The following DIPK2B variants were observed in gnomAD, a reference collection of about 807,000 sequenced individuals.
DIPK2B encodes the protein divergent protein kinase domain 2B.
Under a neutral mutation model 22.2 loss-of-function variants are expected in DIPK2B, and 15 were observed. The observed-to-expected ratio is 0.68, with a 90% confidence interval of 0.45 to 1.04. The LOEUF (loss-of-function observed/expected upper bound fraction) is 1.04. Ranked by LOEUF, DIPK2B falls within the 50% of genes least tolerant of loss-of-function variation. The pLI, the probability that DIPK2B is intolerant of heterozygous loss-of-function variation, is 0.00. For synonymous variants in DIPK2B, 163 were observed against 153.2 expected (o/e 1.06, Z -0.47); for missense variants, 345 against 348.3 (o/e 0.99, Z 0.08).
At chrX:45,155,431 A>AAAAT (rs1556395212) in intron 3 of DIPK2B, among the ~76,000 whole-genome samples, 2 of 96,391 alleles carry the variant, frequency 2.1e-5, no homozygotes, top group East Asian at 6.7e-4. Context: ...TCAAAAAAAA[A>AAAAT]ATATATATAT....
intron 1 of DIPK2B, among the ~76,000 whole-genome samples, chrX:45,197,848 C>T (rs971623491): frequency 1.8e-5 from 2 of 111,595 alleles, no homozygotes; most frequent in African/African-American, 6.5e-5. Flanking sequence ...ATAAGGAATT[C>T]GTCACTCATG....
chrX:45,192,032 C>A lies in DIPK2B; in HGVS notation c.234-17G>T. ...TTGTCAGATCTGTTGGAAGAATAGC[C>A]CTTTGAGGATTGGCCTGTGAGCTGG... On this transcript the variant is annotated splice_polypyrimidine_tract_variant and intron_variant, in intron 1 of 4. Coordinates refer to ENST00000398000, the MANE Select transcript of DIPK2B (RefSeq NM_176819.4). 4 of 1,195,309 alleles carry A rather than the reference C, an allele frequency of 3.3e-6. No homozygotes were observed. The highest frequency in any genetic ancestry group is 4.5e-6 in the Non-Finnish European group (4 of 887,288).
At chrX:45,171,441 G>T (rs1398908988) in intron 2 of DIPK2B, among the ~76,000 whole-genome samples, 1 of 111,302 alleles carries the variant, frequency 9.0e-6, no homozygotes, top group Admixed American at 9.5e-5. Flanking sequence ...TCTAGGGCAG[G>T]TGTGCCAATA....
chrX:45,186,534 T>C (rs1055751547), intron 2 of DIPK2B, among the ~76,000 whole-genome samples: 2 of 112,343 alleles, frequency 1.8e-5, no homozygotes, highest in African/African-American at 6.5e-5. Flanking sequence ...TGTGTGAAAA[T>C]AATACAGCCA....
chrX:45,172,531 C>T (rs2047088906), intron 2 of DIPK2B, among the ~76,000 whole-genome samples: 2 of 111,442 alleles, frequency 1.8e-5, no homozygotes, highest in South Asian at 7.7e-4. Flanking sequence ...ACTTTCCCTT[C>T]CTATTAAAGA....
At chrX:45,162,896 G>GT (rs2047029343) in intron 2 of DIPK2B, 1 of 752,020 alleles carries the variant, frequency 1.3e-6, no homozygotes, top group African/African-American at 2.3e-5. Context: ...TTGGTTCAGG[G>GT]TGATGCTGAG....
intron 1 of DIPK2B, among the ~76,000 whole-genome samples, chrX:45,199,891 C>T (rs1323679953): frequency 9.0e-6 from 1 of 111,206 alleles, no homozygotes; most frequent in Non-Finnish European, 1.9e-5. Context: ...CCATTCTTTG[C>T]TGAGAGCCAT....
At chrX:45,170,518 G>T (rs1019069759) in intron 2 of DIPK2B, among the ~76,000 whole-genome samples, 1 of 112,541 alleles carries the variant, frequency 8.9e-6, no homozygotes, top group African/African-American at 3.2e-5. Context: ...GTGTGAATTG[G>T]CTTCTTTTAG....
rs1051023473 is a variant in DIPK2B, at chrX:45,167,748, G to C, written c.499-9860C>G. 2.7e-5 allele frequency among the ~76,000 whole-genome samples: 3 copies of C among 110,592 alleles called. No individual in the cohort carries two copies. The Admixed American group carries it at 2.9e-4, about 11-fold the overall frequency. The stretch of plus-strand genomic sequence containing the variant: ...CACCCAGGCTGGAGTGCAGTGGTGT[G>C]ATCCCAGTTCACTGCAACCTCCGCC... On this transcript the variant is annotated intron_variant, in intron 2 of 4. Coordinates refer to ENST00000398000, the MANE Select transcript of DIPK2B (RefSeq NM_176819.4).
intron 2 of DIPK2B, chrX:45,163,392 G>A (rs768621447): frequency 2.3e-4 from 173 of 751,524 alleles, no homozygotes; most frequent in Non-Finnish European, 2.6e-4. Context: ...ACTAGCTAAA[G>A]GAAAAACACT....
chrX:45,198,124 G>C lies in DIPK2B; in HGVS notation c.233+2470C>G, dbSNP rs1291658637. ...ACTGTTAAATAGTAGTTTCCAAAAA[G>C]TATACACAGCATGTTCACATTTTTG... On this transcript the variant is annotated intron_variant, in intron 1 of 4. Transcript: ENST00000398000. 2.8e-4 allele frequency among the ~76,000 whole-genome samples: 31 copies of C among 111,377 alleles called. No individual in the cohort carries two copies. In the Admixed American group the frequency reaches 2.9e-3, roughly 10 times the overall value.
intron 2 of DIPK2B, among the ~76,000 whole-genome samples, chrX:45,184,736 A>T (rs1449294543): frequency 8.9e-6 from 1 of 112,121 alleles, no homozygotes; most frequent in African/African-American, 3.2e-5. Flanking sequence ...TTAATGACCG[A>T]ACTTGTGTCA....
chrX:45,191,599 G>A (rs757049549), intron 2 of DIPK2B, 152 bp downstream of exon 2: 16 of 659,102 alleles, frequency 2.4e-5, no homozygotes, highest in South Asian at 2.3e-4. Flanking sequence ...CTGTCTTACC[G>A]TAAGCCACTG....
chrX:45,187,697 T>C (rs2047191235), intron 2 of DIPK2B, among the ~76,000 whole-genome samples: 1 of 111,567 alleles, frequency 9.0e-6, no homozygotes, highest in Non-Finnish European at 1.9e-5. Context: ...TTCATCCAAC[T>C]TGACTTTATT....
At chrX:45,180,169 G>T (rs1283273906) in intron 2 of DIPK2B, among the ~76,000 whole-genome samples, 2 of 111,693 alleles carry the variant, frequency 1.8e-5, no homozygotes, top group Non-Finnish European at 3.8e-5. Context: ...CAATTTCCAG[G>T]TCTTCATCAT....
intron 2 of DIPK2B, among the ~76,000 whole-genome samples, chrX:45,191,156 T>C (rs929851870): frequency 2.7e-5 from 3 of 112,439 alleles, no homozygotes; most frequent in Non-Finnish European, 5.6e-5. Flanking sequence ...AATATGATGA[T>C]GGCACCAGCA....
chrX:45,178,685 A>C (rs1283676377), intron 2 of DIPK2B, among the ~76,000 whole-genome samples: 3 of 111,725 alleles, frequency 2.7e-5, no homozygotes, highest in African/African-American at 6.5e-5. Flanking sequence ...GTAAAAGGGA[A>C]ATTCACAAAG....
At chrX:45,179,375 A>C (rs1478024297) in intron 2 of DIPK2B, among the ~76,000 whole-genome samples, 1 of 111,226 alleles carries the variant, frequency 9.0e-6, no homozygotes, top group Non-Finnish European at 1.9e-5. Flanking sequence ...AAAATTACCC[A>C]ATTAAAAATT....
chrX:45,158,750 C>T (rs188139822), intron 2 of DIPK2B, among the ~76,000 whole-genome samples: 1 of 111,944 alleles, frequency 8.9e-6, no homozygotes, highest in Non-Finnish European at 1.9e-5. Flanking sequence ...TCTCTCTGTA[C>T]CTCCGGTTCC....
Sources: allele counts gnomAD v4.1 joint callset (sites outside exome capture counted in the v4.1 genomes callset), GRCh38; gene constraint gnomAD v4.1.1; transcripts MANE v1.5; gene names NCBI Gene and HGNC (gene_info 2026-07-23, HGNC 2026-07-21).